The following KLHL18 variants were observed in gnomAD, a reference collection of about 807,000 sequenced individuals.
KLHL18 encodes kelch-like protein 18.
In KLHL18, 38 loss-of-function variants were observed where a neutral mutation model predicts 58.5. The ratio of observed to expected loss-of-function variants is 0.65; its 90% CI spans 0.50 to 0.85. The LOEUF (loss-of-function observed/expected upper bound fraction) is 0.85. Ranked by LOEUF, KLHL18 falls within the 40% of genes least tolerant of loss-of-function variation. The probability of loss-of-function intolerance (pLI) is 0.00; values close to 1 mark genes in which losing one functional copy is unlikely to be tolerated. For synonymous variants in KLHL18, 303 were observed against 301.9 expected (o/e 1.00, Z -0.04); for missense variants, 624 against 778.4 (o/e 0.80, Z 2.36).
At chr3:47,287,000 C>T (rs1206246777) in intron 1 of KLHL18, among the ~76,000 whole-genome samples, 3 of 152,198 alleles carry the variant, frequency 2.0e-5, no homozygotes, top group African/African-American at 4.8e-5. Context: ...TTCCTGATTT[C>T]GGCCCTTCTT....
Position 47,334,887 on chromosome 3 carries a change from T to A in KLHL18, c.898+68T>A, listed in dbSNP as rs546924244. 1.3e-6 allele frequency: 2 copies of A among 1,497,908 alleles called. No individual in the cohort carries two copies. The highest frequency in any genetic ancestry group is 2.0e-5 in the Admixed American group (1 of 48,834). 92.8% of individuals were successfully genotyped at this position (1,497,908 alleles called of 1,614,324 possible). A position where few individuals can be genotyped will look rare whatever the true frequency, so the allele number is the denominator to read the frequency against. On this transcript the variant is annotated intron_variant, in intron 6 of 9. Transcript: ENST00000232766. The surrounding 1 kb of genome is among the most constrained non-coding windows in gnomAD (Gnocchi z 4.7). The stretch of plus-strand genomic sequence containing the variant: ...ATGGATGAGGAAGCACCAGACAAAT[T>A]AGCCTGGCCCTTCTGGTTTCTCTGT...
intron 3 of KLHL18, among the ~76,000 whole-genome samples, chr3:47,324,429 G>C (rs180939616): frequency 1.3e-5 from 2 of 149,678 alleles, no homozygotes; most frequent in African/African-American, 4.9e-5. Flanking sequence ...GACGAGCCTC[G>C]AATCTTCACC....
chr3:47,325,863 G>A (rs1368219628), intron 3 of KLHL18, among the ~76,000 whole-genome samples: 1 of 151,040 alleles, frequency 6.6e-6, no homozygotes, highest in Non-Finnish European at 1.5e-5. Context: ...TCTGCCTCCC[G>A]AGCTCAAGCA....
At chr3:47,308,240 G>A (rs542965570) in intron 1 of KLHL18, among the ~76,000 whole-genome samples, 1 of 151,794 alleles carries the variant, frequency 6.6e-6, no homozygotes, top group African/African-American at 2.4e-5. Flanking sequence ...CTGGGTGCAG[G>A]CATTTATTTT....
At chr3:47,329,029 T>C (rs1703789696) in intron 3 of KLHL18, among the ~76,000 whole-genome samples, 1 of 151,722 alleles carries the variant, frequency 6.6e-6, no homozygotes, top group Non-Finnish European at 1.5e-5. Flanking sequence ...CTTGCAGGGC[T>C]GAGGCAGGAG....
At chr3:47,341,428 G>A (rs1016692120) in intron 8 of KLHL18, among the ~76,000 whole-genome samples, 1 of 152,172 alleles carries the variant, frequency 6.6e-6, no homozygotes, top group African/African-American at 2.4e-5. Context: ...TGGGCCATGG[G>A]TTGCATCATG....
chr3:47,331,622 G>A (rs1045568145), intron 4 of KLHL18, among the ~76,000 whole-genome samples: 1 of 150,516 alleles, frequency 6.6e-6, no homozygotes, highest in Non-Finnish European at 1.5e-5. Context: ...TAGTAGAGAC[G>A]GGGTTTCACT....
In KLHL18 at chr3:47,290,328, A is replaced by C. The variant is rs545111404; in HGVS notation, c.129+7234A>C. Among the ~76,000 whole-genome samples, 15 of 152,324 alleles carry C rather than the reference A, an allele frequency of 9.8e-5. No homozygotes were observed. In the South Asian group the frequency reaches 2.7e-3, roughly 27 times the overall value. On this transcript the variant is annotated intron_variant, in intron 1 of 9. Coordinates refer to ENST00000232766, the MANE Select transcript of KLHL18 (RefSeq NM_025010.5). ...TTTCTACTAGTCTTTTAGACATATG[A>C]ATTCTTGACTCTGATTTTGAAATGA...
At position 47,345,269 on chromosome 3, in the gene KLHL18, C is replaced by T. The variant is rs151271052; in HGVS notation, c.*1328C>T. On this transcript the variant is annotated 3_prime_UTR_variant, in exon 10 of 10. Coordinates refer to ENST00000232766, the MANE Select transcript of KLHL18 (RefSeq NM_025010.5). ...GCTTGGTCTGGTAACCTTGTCTGCT[C>T]TGCCATTCCACTGCTCCTCCATCCA... 6.7e-3 allele frequency: 1,027 copies of T among 153,050 alleles called. 9 individuals are homozygous for T. The highest frequency in any genetic ancestry group is 0.011 in the Non-Finnish European group (731 of 68,330). 9.5% of individuals were successfully genotyped at this position (153,050 alleles called of 1,614,324 possible).
intron 8 of KLHL18, among the ~76,000 whole-genome samples, chr3:47,341,863 G>T (rs1179094207): frequency 7.0e-6 from 1 of 142,392 alleles, no homozygotes; most frequent in Non-Finnish European, 1.5e-5. Context: ...TTTGAGACCA[G>T]CCTAGGCAAC....
chr3:47,309,601 G>A (rs1463863628), intron 1 of KLHL18, among the ~76,000 whole-genome samples: 2 of 152,342 alleles, frequency 1.3e-5, no homozygotes, highest in East Asian at 1.9e-4. Flanking sequence ...ACGGGTTGGC[G>A]GCCGGGCAGA....
At chr3:47,302,746 C>T (rs931367242) in intron 1 of KLHL18, among the ~76,000 whole-genome samples, 1 of 152,214 alleles carries the variant, frequency 6.6e-6, no homozygotes, top group South Asian at 2.1e-4. Flanking sequence ...TTTGCTTTTT[C>T]GTTTCTCCAA....
At chr3:47,313,597 A>G (rs1703356009) in intron 1 of KLHL18, among the ~76,000 whole-genome samples, 1 of 152,176 alleles carries the variant, frequency 6.6e-6, no homozygotes. Flanking sequence ...CTGAAAGTAC[A>G]ATATTGCAAC....
chr3:47,296,704 A>G (rs1702904338), intron 1 of KLHL18, among the ~76,000 whole-genome samples: 1 of 152,222 alleles, frequency 6.6e-6, no homozygotes, highest in Non-Finnish European at 1.5e-5. Context: ...AGACAGGCAC[A>G]GTGGAAAGAG....
At chr3:47,318,926 G>GA (rs1374718264) in intron 1 of KLHL18, among the ~76,000 whole-genome samples, 2 of 152,022 alleles carry the variant, frequency 1.3e-5, no homozygotes, top group African/African-American at 2.4e-5. Context: ...TGATAAAAAG[G>GA]AAAAAAGGAC....
At chr3:47,331,737 CTT>C (rs774228257) in intron 4 of KLHL18, among the ~76,000 whole-genome samples, 25 of 140,406 alleles carry the variant, frequency 1.8e-4, no homozygotes, top group Admixed American at 2.2e-4. Flanking sequence ...CAGGCCCGAC[CTT>C]TTTTTTTTTT....
intron 4 of KLHL18, among the ~76,000 whole-genome samples, chr3:47,332,908 T>A (rs976687526): frequency 2.0e-5 from 3 of 152,108 alleles, no homozygotes; most frequent in African/African-American, 7.2e-5. Flanking sequence ...CATTTTGTTT[T>A]CACAGAAAGT....
rs10687949 is a variant in KLHL18 at position 47,300,637 on chromosome 3, CTTTTT to C, written c.129+17558_129+17562del. Among the ~76,000 whole-genome samples, 195 of 76,942 alleles carry C rather than the reference CTTTTT, an allele frequency of 2.5e-3. 2 individuals carry two copies. The highest frequency in any genetic ancestry group is 9.9e-3 in the South Asian group (18 of 1,810). The allele number at this position is 76,942 out of a possible 152,430, so 50.5% of individuals were successfully genotyped here. ...TGAGTAGTGGTATCTCATTGTGATT[CTTTTT>C]TTTTTTTTTTTTTTGAGACAGAGTT... On this transcript the variant is annotated intron_variant, in intron 1 of 9. Coordinates refer to ENST00000232766, the MANE Select transcript of KLHL18 (RefSeq NM_025010.5).
chr3:47,290,151 C>T (rs1166890648), intron 1 of KLHL18, among the ~76,000 whole-genome samples: 1 of 152,346 alleles, frequency 6.6e-6, no homozygotes, highest in East Asian at 1.9e-4. Flanking sequence ...CATGCTTTTA[C>T]ATCCTGTCAG....
Sources: allele counts gnomAD v4.1 joint callset (sites outside exome capture counted in the v4.1 genomes callset), GRCh38; gene constraint gnomAD v4.1.1; non-coding constraint Gnocchi (gnomAD v3.1); transcripts MANE v1.5; gene names NCBI Gene and HGNC (gene_info 2026-07-23, HGNC 2026-07-21).